IL1RAPL2: variants seen among roughly 807,000 people sequenced by gnomAD.
IL1RAPL2 encodes interleukin 1 receptor accessory protein like 2.
A neutral mutation model predicts 44.1 loss-of-function variants in IL1RAPL2; 3 were observed. The ratio of observed to expected loss-of-function variants is 0.07; its 90% confidence interval spans 0.03 to 0.18. The LOEUF is 0.18. IL1RAPL2 is among the 10% of genes least tolerant of loss of function. The pLI is 1.00. For missense variants in IL1RAPL2, 391 were observed against 496.4 expected, an observed-to-expected ratio of 0.79 and a Z score of 2.02; for synonymous variants, 181 against 178.8, an observed-to-expected ratio of 1.01 and a Z score of -0.10.
chrX:104,933,703 C>T (rs1347134687), intron 2 of IL1RAPL2, among the ~76,000 whole-genome samples: 1 of 111,444 alleles, frequency 9.0e-6, no homozygotes, highest in Non-Finnish European at 1.9e-5. Context: ...AGGATCCAAT[C>T]TTAGTCCAAA....
chrX:104,890,167 A>G (rs1366132971), intron 2 of IL1RAPL2, among the ~76,000 whole-genome samples: 3 of 112,071 alleles, frequency 2.7e-5, no homozygotes, highest in Non-Finnish European at 3.8e-5. Context: ...TGTGGTGTAT[A>G]TGTCCCACAT....
chrX:105,225,452 A>C lies in IL1RAPL2; in HGVS notation c.357-8366A>C, dbSNP rs192284294. 5.4e-5 allele frequency among the ~76,000 whole-genome samples: 6 copies of C among 111,318 alleles called. No homozygotes were observed. In the Admixed American group the frequency reaches 5.8e-4, roughly 11 times the overall value. On this transcript the variant is annotated intron_variant, in intron 3 of 10. Transcript: ENST00000372582. ...TTTATGGGTTGGGTTGGGAATCGGT[A>C]GATAGCATGATAATAGTGGTGATAA...
At chrX:105,169,488 C>CTT (rs2033403143) in intron 2 of IL1RAPL2, among the ~76,000 whole-genome samples, 2 of 27,265 alleles carry the variant, frequency 7.3e-5, no homozygotes, top group African/African-American at 6.7e-4. Flanking sequence ...CAGTTTCTTT[C>CTT]TTTCTTTTTT....
chrX:105,490,747 A>C (rs1402996369), intron 6 of IL1RAPL2, among the ~76,000 whole-genome samples: 5 of 112,574 alleles, frequency 4.4e-5, no homozygotes, highest in Non-Finnish European at 9.4e-5. Flanking sequence ...CCAGCATATT[A>C]GCTCCTGAAA....
At chrX:105,725,559 G>A (rs979553225) in intron 7 of IL1RAPL2, among the ~76,000 whole-genome samples, 1 of 111,282 alleles carries the variant, frequency 9.0e-6, no homozygotes, top group Non-Finnish European at 1.9e-5. Context: ...AAAATAAGGT[G>A]AGTCTATCTT....
intron 2 of IL1RAPL2, among the ~76,000 whole-genome samples, chrX:104,728,175 A>G (rs1033953025): frequency 2.7e-5 from 3 of 111,887 alleles, no homozygotes; most frequent in African/African-American, 6.5e-5. Flanking sequence ...GAAAATAACA[A>G]TCTAGAACTT....
At chrX:104,666,063 T>C (rs894474377) in intron 2 of IL1RAPL2, among the ~76,000 whole-genome samples, 1 of 111,146 alleles carries the variant, frequency 9.0e-6, no homozygotes, top group African/African-American at 3.3e-5. Flanking sequence ...TTGGCTACTA[T>C]GAGTATGTTC....
At chrX:104,832,747 A>C (rs1003668141) in intron 2 of IL1RAPL2, among the ~76,000 whole-genome samples, 2 of 111,696 alleles carry the variant, frequency 1.8e-5, no homozygotes, top group Non-Finnish European at 3.8e-5. Context: ...CTTTCCTTTA[A>C]AAACATAGAA....
At chrX:105,747,523 T>C (rs1301951340) in intron 8 of IL1RAPL2, among the ~76,000 whole-genome samples, 1 of 83,676 alleles carries the variant, frequency 1.2e-5, no homozygotes, top group Non-Finnish European at 2.3e-5. Flanking sequence ...TGTGTATATA[T>C]ATATATATAT....
At chrX:104,655,050 T>C (rs1930228497) in intron 1 of IL1RAPL2, among the ~76,000 whole-genome samples, 1 of 111,965 alleles carries the variant, frequency 8.9e-6, no homozygotes, top group Non-Finnish European at 1.9e-5. Flanking sequence ...CTGAAGTTGC[T>C]TATCAGCTTA....
chrX:104,948,784 G>A (rs1214020485), intron 2 of IL1RAPL2, among the ~76,000 whole-genome samples: 7 of 109,193 alleles, frequency 6.4e-5, no homozygotes, highest in Non-Finnish European at 5.7e-5. Flanking sequence ...GAGCATGGTG[G>A]ATAAGCTTTT....
chrX:104,820,985 T>C (rs1921287234), intron 2 of IL1RAPL2, among the ~76,000 whole-genome samples: 1 of 112,026 alleles, frequency 8.9e-6, no homozygotes, highest in South Asian at 3.7e-4. Flanking sequence ...AAGTAAAATG[T>C]ATCAGTCCAA....
intron 6 of IL1RAPL2, among the ~76,000 whole-genome samples, chrX:105,688,230 G>A (rs1301278377): frequency 9.0e-6 from 1 of 111,604 alleles, no homozygotes; most frequent in East Asian, 2.8e-4. Context: ...AGGGCAATCA[G>A]GCAAGAGAAA....
chrX:105,433,123 T>C (rs1227441775), intron 5 of IL1RAPL2, among the ~76,000 whole-genome samples: 1 of 111,304 alleles, frequency 9.0e-6, no homozygotes, highest in Admixed American at 9.6e-5. Flanking sequence ...TATGCTAGTC[T>C]AGCTATGATT....
intron 10 of IL1RAPL2, among the ~76,000 whole-genome samples, chrX:105,764,038 A>G: frequency 1.8e-5 from 2 of 111,462 alleles, no homozygotes. Flanking sequence ...TTTTTCTTCT[A>G]CAGGAGGTTT....
At chrX:105,421,850 A>C (rs1054024723) in intron 5 of IL1RAPL2, among the ~76,000 whole-genome samples, 1 of 112,263 alleles carries the variant, frequency 8.9e-6, no homozygotes, top group Non-Finnish European at 1.9e-5. Flanking sequence ...CCAAGTTAGA[A>C]AAATGTGGGG....
At chrX:105,729,915 AGGAAGGAG>A (rs1171617679) in intron 7 of IL1RAPL2, among the ~76,000 whole-genome samples, 17 of 59,638 alleles carry the variant, frequency 2.9e-4, no homozygotes, top group Non-Finnish European at 3.9e-4. Context: ...GAAGGAAGGA[AGGAAGGAG>A]GGAGGGAGGG....
chrX:104,656,224 ATTTG>A (rs1930257276), intron 1 of IL1RAPL2, among the ~76,000 whole-genome samples: 2 of 109,757 alleles, frequency 1.8e-5, no homozygotes, highest in Admixed American at 9.8e-5. Context: ...TAGCTTTTGA[ATTTG>A]TTTGTTCTTG....
At chrX:105,079,581 T>C (rs1348154131) in intron 2 of IL1RAPL2, among the ~76,000 whole-genome samples, 2 of 109,775 alleles carry the variant, frequency 1.8e-5, no homozygotes, top group Non-Finnish European at 3.8e-5. Context: ...GTGCCACATT[T>C]TCTTAATCCA....
Sources: allele counts gnomAD v4.1 joint callset (sites outside exome capture counted in the v4.1 genomes callset), GRCh38; gene constraint gnomAD v4.1.1; transcripts MANE v1.5; gene names NCBI Gene and HGNC (gene_info 2026-07-23, HGNC 2026-07-21).